MARCHF8: variants seen among roughly 807,000 people sequenced by gnomAD.
MARCHF8 encodes the protein E3 ubiquitin-protein ligase MARCHF8.
A neutral mutation model predicts 51.6 loss-of-function variants in MARCHF8; 40 were observed. The ratio of observed to expected loss-of-function variants is 0.77; its 90% CI spans 0.60 to 1.01. The LOEUF (loss-of-function observed/expected upper bound fraction) is 1.01, where lower values mean the gene tolerates loss of function less well. MARCHF8 is among the 50% of genes least tolerant of loss of function. MARCHF8 has a pLI of 0.00. For missense variants in MARCHF8, 685 were observed against 708.6 expected, an observed-to-expected ratio of 0.97 and a Z score of 0.38; for synonymous variants, 263 against 280.3, an observed-to-expected ratio of 0.94 and a Z score of 0.62.
rs145914751 is a variant in MARCHF8, at chr10:45,575,230, G to T, written c.-79+19005C>A. ...AGGGCAACTAAAAAAAGCAGCCAGCGTTCCAACTTCTATCTCACAGAGCAG... is the reference window on the plus strand; with the variant it reads ...AGGGCAACTAAAAAAAGCAGCCAGCTTTCCAACTTCTATCTCACAGAGCAG... On this transcript the variant is annotated intron_variant, in intron 1 of 6. Coordinates refer to the MARCHF8 transcript ENST00000319836. Among the ~76,000 whole-genome samples, 319 of 152,192 alleles carry T rather than the reference G, an allele frequency of 2.1e-3. 1 individual carries two copies. Among genetic ancestry groups the T allele is most frequent in the African/African-American group, 7.3e-3 (301 of 41,508 alleles).
intron 3 of MARCHF8, among the ~76,000 whole-genome samples, chr10:45,486,647 C>G (rs1478788990): frequency 6.6e-6 from 1 of 152,126 alleles, no homozygotes; most frequent in Non-Finnish European, 1.5e-5. Context: ...ATTAAATGAA[C>G]TGTCCTGGCC....
At chr10:45,526,962 C>A (rs1410249684) in intron 2 of MARCHF8, among the ~76,000 whole-genome samples, 3 of 152,078 alleles carry the variant, frequency 2.0e-5, no homozygotes, top group Non-Finnish European at 4.4e-5. Context: ...AAAGTCAATT[C>A]CAAGAAGGAC....
intron 2 of MARCHF8, among the ~76,000 whole-genome samples, chr10:45,530,714 G>A (rs946065678): frequency 2.0e-5 from 3 of 152,008 alleles, no homozygotes; most frequent in African/African-American, 7.3e-5. Context: ...TCGTGGCTGC[G>A]GTATGCTGTG....
chr10:45,496,304 A>C (rs1237290804), intron 2 of MARCHF8, among the ~76,000 whole-genome samples: 1 of 152,206 alleles, frequency 6.6e-6, no homozygotes, highest in Non-Finnish European at 1.5e-5. Context: ...AAAAGGAATT[A>C]TATAAAAACT....
chr10:45,592,857 C>CT (rs2044697052), intron 1 of MARCHF8, among the ~76,000 whole-genome samples: 1 of 151,884 alleles, frequency 6.6e-6, no homozygotes, highest in Admixed American at 6.6e-5. Flanking sequence ...AACAACGAAT[C>CT]TTTTTTTTAG....
At chr10:45,461,818 C>T (rs1213002495) in intron 5 of MARCHF8, 1 of 154,248 alleles carries the variant, frequency 6.5e-6, no homozygotes, top group African/African-American at 2.4e-5. Flanking sequence ...ATACCAGTGA[C>T]CTTAAATGAC....
chr10:45,542,919 A>T (rs1329735815), intron 1 of MARCHF8, among the ~76,000 whole-genome samples: 1 of 152,222 alleles, frequency 6.6e-6, no homozygotes, highest in Non-Finnish European at 1.5e-5. Context: ...AAAGAAGGCA[A>T]GAAAACTTCA....
intron 3 of MARCHF8, among the ~76,000 whole-genome samples, chr10:45,481,007 G>A (rs1413655839): frequency 6.6e-6 from 1 of 152,260 alleles, no homozygotes. Context: ...AAAGCTACAG[G>A]GGCAGAGCTG....
chr10:45,499,397 T>C (rs948794318), intron 2 of MARCHF8, among the ~76,000 whole-genome samples: 4 of 152,244 alleles, frequency 2.6e-5, no homozygotes, highest in Non-Finnish European at 5.9e-5. Flanking sequence ...CTTTCCACCC[T>C]GTCCACTGTT....
chr10:45,484,248 G>T (rs1177476230), intron 3 of MARCHF8, among the ~76,000 whole-genome samples: 3 of 152,120 alleles, frequency 2.0e-5, no homozygotes, highest in Non-Finnish European at 4.4e-5. Context: ...ATAAAACTTT[G>T]AGTTTGTTCT....
chr10:45,572,311 C>T (rs867010208), intron 1 of MARCHF8, among the ~76,000 whole-genome samples: 1 of 151,988 alleles, frequency 6.6e-6, no homozygotes, highest in Non-Finnish European at 1.5e-5. Flanking sequence ...ATGTCTCTAC[C>T]CTCTCTTTTC....
chr10:45,569,195 C>T (rs551412822), intron 1 of MARCHF8, among the ~76,000 whole-genome samples: 283 of 151,922 alleles, frequency 1.9e-3, no homozygotes, highest in African/African-American at 6.5e-3. Flanking sequence ...AGACAAAAGG[C>T]TTTCAGTTTT....
chr10:45,486,562 T>TA (rs1221428202), intron 3 of MARCHF8, among the ~76,000 whole-genome samples: 3 of 150,986 alleles, frequency 2.0e-5, no homozygotes, highest in East Asian at 1.9e-4. Flanking sequence ...AGACTCTGTC[T>TA]AAAAAAAAAT....
At chr10:45,566,864 G>C (rs1258939279) in intron 1 of MARCHF8, among the ~76,000 whole-genome samples, 1 of 152,142 alleles carries the variant, frequency 6.6e-6, no homozygotes, top group African/African-American at 2.4e-5. Flanking sequence ...CCTCCAAACT[G>C]TTCTCCATAG....
At chr10:45,469,709 C>T (rs1051622411) in intron 3 of MARCHF8, among the ~76,000 whole-genome samples, 46 of 151,490 alleles carry the variant, frequency 3.0e-4, no homozygotes, top group African/African-American at 9.2e-4. Context: ...ACTAAAAATA[C>T]AAAAAATTAG....
intron 1 of MARCHF8, among the ~76,000 whole-genome samples, chr10:45,582,937 A>G (rs1378312858): frequency 2.6e-5 from 4 of 152,228 alleles, no homozygotes; most frequent in Non-Finnish European, 5.9e-5. Flanking sequence ...AAAAATACGG[A>G]TGTAACCACA....
chr10:45,466,386 T>C (rs776366717), intron 3 of MARCHF8, among the ~76,000 whole-genome samples: 17 of 152,222 alleles, frequency 1.1e-4, no homozygotes, highest in Non-Finnish European at 2.4e-4. Flanking sequence ...GACCAAAGCC[T>C]GATCACGGTG....
chr10:45,485,224 A>C (rs1307759908), intron 3 of MARCHF8, among the ~76,000 whole-genome samples: 1 of 152,174 alleles, frequency 6.6e-6, no homozygotes, highest in Non-Finnish European at 1.5e-5. Flanking sequence ...TGAAGGTTAC[A>C]TGTGGGGTGA....
chr10:45,544,886 T>C (rs1283435922), intron 1 of MARCHF8, among the ~76,000 whole-genome samples: 10 of 152,216 alleles, frequency 6.6e-5, no homozygotes, highest in African/African-American at 2.4e-4. Flanking sequence ...CAAGGCCCTA[T>C]GTTATCTATC....
Sources: allele counts gnomAD v4.1 joint callset (sites outside exome capture counted in the v4.1 genomes callset), GRCh38; gene constraint gnomAD v4.1.1; transcripts MANE v1.5; gene names NCBI Gene and HGNC (gene_info 2026-07-23, HGNC 2026-07-21).